FAF1: variants seen among roughly 807,000 people sequenced by gnomAD.
The protein encoded by FAF1 is FAS-associated factor 1.
Under a neutral mutation model 92.5 loss-of-function variants are expected in FAF1, and 25 were observed. That is an observed-to-expected ratio of 0.27 (90% CI 0.20 to 0.38). FAF1 has a LOEUF of 0.38. FAF1 is among the 10% of genes least tolerant of loss of function. The pLI is 1.00. For synonymous variants in FAF1, 234 were observed against 273.2 expected, an observed-to-expected ratio of 0.86 and a Z score of 1.42; for missense variants, 636 against 793.3, an observed-to-expected ratio of 0.80 and a Z score of 2.38.
intron 2 of FAF1, among the ~76,000 whole-genome samples, chr1:50,811,222 C>T (rs2124605608): frequency 6.6e-6 from 1 of 152,086 alleles, no homozygotes; most frequent in South Asian, 2.1e-4. Flanking sequence ...ATCTGTAGTC[C>T]CAACTACTCA....
chr1:50,956,417 T>A (rs1365237046), intron 1 of FAF1, among the ~76,000 whole-genome samples: 2 of 152,236 alleles, frequency 1.3e-5, no homozygotes, highest in Non-Finnish European at 2.9e-5. Context: ...TTAGACACAG[T>A]ATCTAGCAAT....
chr1:50,684,521 G>T (rs1238991065), intron 7 of FAF1, among the ~76,000 whole-genome samples: 1 of 151,940 alleles, frequency 6.6e-6, no homozygotes, highest in African/African-American at 2.4e-5. Context: ...CTCTAGTGGG[G>T]GTTACAGACA....
intron 15 of FAF1, among the ~76,000 whole-genome samples, chr1:50,516,024 T>C (rs991422474): frequency 1.5e-4 from 23 of 152,178 alleles, no homozygotes; most frequent in Non-Finnish European, 3.1e-4. Flanking sequence ...CTAAGCACTT[T>C]ACATGTATCA....
intron 1 of FAF1, among the ~76,000 whole-genome samples, chr1:50,893,273 T>A (rs556594294): frequency 6.6e-6 from 1 of 152,276 alleles, no homozygotes; most frequent in South Asian, 2.1e-4. Context: ...GGCATATATA[T>A]GAGTTAGGTA....
intron 5 of FAF1, among the ~76,000 whole-genome samples, chr1:50,743,532 T>A (rs1557505011): frequency 6.6e-6 from 1 of 151,826 alleles, no homozygotes. Flanking sequence ...TTTACCATGT[T>A]GGCCAGGCTG....
chr1:50,571,662 A>C (rs1440406248), intron 12 of FAF1, among the ~76,000 whole-genome samples: 1 of 152,220 alleles, frequency 6.6e-6, no homozygotes. Context: ...GTGCCTCACT[A>C]ATCTTCACAT....
chr1:50,780,923 G>A (rs1661151889), intron 4 of FAF1: 1 of 489,058 alleles, frequency 2.0e-6, no homozygotes, highest in East Asian at 5.6e-5. Flanking sequence ...GACAGGGCCA[G>A]AATTGTGGTG....
chr1:50,801,179 A>G (rs1661975993), intron 3 of FAF1, among the ~76,000 whole-genome samples: 1 of 152,226 alleles, frequency 6.6e-6, no homozygotes, highest in Non-Finnish European at 1.5e-5. Context: ...TGCATTATTA[A>G]GAACTGCCTC....
chr1:50,591,044 AG>A (rs1409371359), intron 9 of FAF1, among the ~76,000 whole-genome samples: 1 of 151,706 alleles, frequency 6.6e-6, no homozygotes, highest in Non-Finnish European at 1.5e-5. Flanking sequence ...TTAGAGAAAA[AG>A]TTTTCAGTCT....
intron 7 of FAF1, among the ~76,000 whole-genome samples, chr1:50,680,905 C>A (rs1569750081): frequency 6.6e-6 from 1 of 151,976 alleles, no homozygotes; most frequent in Non-Finnish European, 1.5e-5. Context: ...AACACTGAAG[C>A]ATAGAATTTA....
chr1:50,457,756 T>TAAAAAAAAAA (rs1646372615), intron 18 of FAF1, among the ~76,000 whole-genome samples: 1 of 121,488 alleles, frequency 8.2e-6, no homozygotes, highest in Non-Finnish European at 1.7e-5. Context: ...ATACAAAAAT[T>TAAAAAAAAAA]ATCCAGGCAT....
At chr1:50,899,158 A>G (rs948906422) in intron 1 of FAF1, among the ~76,000 whole-genome samples, 1 of 151,824 alleles carries the variant, frequency 6.6e-6, no homozygotes, top group Non-Finnish European at 1.5e-5. Flanking sequence ...TCTGCTGTTA[A>G]TCTCACTCAT....
At chr1:50,796,039 A>T (rs1661735448) in intron 3 of FAF1, among the ~76,000 whole-genome samples, 1 of 152,008 alleles carries the variant, frequency 6.6e-6, no homozygotes, top group South Asian at 2.1e-4. Flanking sequence ...ATGCTTCACC[A>T]GGTAAAAAAA....
At chr1:50,504,476 T>C (rs184830839) in intron 15 of FAF1, among the ~76,000 whole-genome samples, 71 of 151,852 alleles carry the variant, frequency 4.7e-4, no homozygotes, top group Admixed American at 3.7e-3. Flanking sequence ...AAATAAAATA[T>C]GAAAGAGAAG....
At chr1:50,904,025 T>C (rs760872481) in intron 1 of FAF1, among the ~76,000 whole-genome samples, 19 of 152,184 alleles carry the variant, frequency 1.2e-4, no homozygotes, top group Non-Finnish European at 2.5e-4. Context: ...CGGGTATATA[T>C]TCCAAAAACT....
At chr1:50,929,378 T>A (rs1051698452) in intron 1 of FAF1, among the ~76,000 whole-genome samples, 3 of 152,146 alleles carry the variant, frequency 2.0e-5, no homozygotes, top group African/African-American at 7.2e-5. Flanking sequence ...TAAAAAATGA[T>A]ACTTGAGCAA....
chr1:50,952,647 C>G (rs1351285123), intron 1 of FAF1, among the ~76,000 whole-genome samples: 2 of 152,052 alleles, frequency 1.3e-5, no homozygotes, highest in Non-Finnish European at 2.9e-5. Context: ...GGCCGCCATC[C>G]CGTCTAGGAA....
At chr1:50,663,332 ATC>A (rs1260953294) in intron 7 of FAF1, among the ~76,000 whole-genome samples, 1 of 151,546 alleles carries the variant, frequency 6.6e-6, no homozygotes, top group Non-Finnish European at 1.5e-5. Context: ...GTGCCCAGCA[ATC>A]TCTGTTTTAA....
At chr1:50,576,643 C>A (rs972314081) in intron 12 of FAF1, among the ~76,000 whole-genome samples, 5 of 141,992 alleles carry the variant, frequency 3.5e-5, no homozygotes, top group African/African-American at 8.2e-5. Flanking sequence ...GCCCCCCCCC[C>A]GCCACCACCC....
Sources: gnomAD v4.1 joint callset for allele counts (sites outside exome capture counted in the v4.1 genomes callset) on GRCh38, gnomAD v4.1.1 for gene constraint, MANE v1.5 for transcripts, NCBI Gene and HGNC (gene_info 2026-07-23, HGNC 2026-07-21) for gene names.